Variants in MARK1 observed in about 807,000 individuals in gnomAD.
MARK1 encodes the protein serine/threonine-protein kinase MARK1.
MARK1 carries 40 observed loss-of-function variants against 96.3 expected under a neutral mutation model. The observed-to-expected ratio is 0.42, with a 90% CI of 0.32 to 0.54. The LOEUF is 0.54. MARK1 is among the 20% of genes least tolerant of loss of function. The probability of loss-of-function intolerance (pLI) is 0.16; values close to 1 mark genes in which losing one functional copy is unlikely to be tolerated. For missense variants in MARK1, 719 were observed against 984.6 expected, an observed-to-expected ratio of 0.73 and a Z score of 3.61; for synonymous variants, 317 against 341.2, an observed-to-expected ratio of 0.93 and a Z score of 0.78.
intron 13 of MARK1, among the ~76,000 whole-genome samples, chr1:220,649,233 T>A (rs914630668): frequency 1.3e-5 from 2 of 152,078 alleles, no homozygotes; most frequent in Non-Finnish European, 2.9e-5. Flanking sequence ...AAGTCTTTTT[T>A]TTTTTTGGGG....
At chr1:220,598,207 A>G (rs1665501080) in intron 3 of MARK1, 124 bp from the exon 4 acceptor site, 2 of 368,240 alleles carry the variant, frequency 5.4e-6, no homozygotes, top group African/African-American at 2.2e-5. Flanking sequence ...TCTTGTTTCA[A>G]TGCATTGCCA....
intron 5 of MARK1, among the ~76,000 whole-genome samples, chr1:220,601,350 A>G (rs1665738932): frequency 6.9e-6 from 1 of 144,450 alleles, no homozygotes; most frequent in South Asian, 2.2e-4. Flanking sequence ...ATTTCAGTGT[A>G]GGTTCTTTGA....
chr1:220,545,677 G>A (rs1305785102), intron 1 of MARK1, among the ~76,000 whole-genome samples: 2 of 151,932 alleles, frequency 1.3e-5, no homozygotes, highest in African/African-American at 2.4e-5. Context: ...GGGCTCAAGC[G>A]AGCCACCCTA....
intron 1 of MARK1, among the ~76,000 whole-genome samples, chr1:220,558,118 G>A (rs1375444962): frequency 4.8e-5 from 7 of 145,672 alleles, no homozygotes; most frequent in African/African-American, 1.5e-4. Flanking sequence ...GGGCAACAGA[G>A]TGAGACCCTG....
intron 6 of MARK1, among the ~76,000 whole-genome samples, chr1:220,605,475 A>C (rs1666010528): frequency 6.0e-5 from 9 of 150,754 alleles, no homozygotes; most frequent in Admixed American, 5.3e-4. Context: ...ATTTTTTTAA[A>C]TTTTTATTTA....
intron 13 of MARK1, among the ~76,000 whole-genome samples, chr1:220,647,581 GGTTCATGCACACTTAT>G (rs1020913518): frequency 1.2e-4 from 18 of 152,098 alleles, no homozygotes; most frequent in African/African-American, 4.1e-4. Flanking sequence ...CTGTTATAAA[GGTTCATGCACACTTAT>G]GTTCATTGCA....
At chr1:220,588,101 A>G (rs1235731998) in intron 3 of MARK1, among the ~76,000 whole-genome samples, 9 of 152,214 alleles carry the variant, frequency 5.9e-5, no homozygotes, top group African/African-American at 2.2e-4. Context: ...GTGAAGTTGT[A>G]TCTAGTTTTA....
At chr1:220,602,602 ACTG>A (rs1665821387) in intron 5 of MARK1, among the ~76,000 whole-genome samples, 1 of 152,094 alleles carries the variant, frequency 6.6e-6, no homozygotes, top group African/African-American at 2.4e-5. Flanking sequence ...TCTAGAATTA[ACTG>A]CTATGATGGG....
chr1:220,594,342 T>C (rs2102888686), intron 3 of MARK1, among the ~76,000 whole-genome samples: 1 of 152,298 alleles, frequency 6.6e-6, no homozygotes, highest in East Asian at 1.9e-4. Context: ...TACATACCTA[T>C]TAGAATAGCA....
In MARK1 at chr1:220,533,497, G is replaced by A. The variant is rs1467746671; in HGVS notation, c.51+4624G>A. On this transcript the variant is annotated intron_variant, in intron 1 of 17. Transcript: ENST00000366917. ...GGGTGTCATTTTCTCTTTTCCTGATGAATATCTGTGGAAGTTCTTTTGGTG... is the reference window on the plus strand; with the variant it reads ...GGGTGTCATTTTCTCTTTTCCTGATAAATATCTGTGGAAGTTCTTTTGGTG... Among the ~76,000 whole-genome samples, 3 of 151,924 alleles carry A rather than the reference G, an allele frequency of 2.0e-5. No individual in the cohort carries two copies. In the East Asian group the frequency reaches 5.8e-4, roughly 29 times the overall value.
At chr1:220,619,774 A>G (rs1285304542) in intron 9 of MARK1, among the ~76,000 whole-genome samples, 1 of 152,200 alleles carries the variant, frequency 6.6e-6, no homozygotes, top group Non-Finnish European at 1.5e-5. Context: ...TTTAAGAATG[A>G]TATTTTAGCC....
rs1666882982 is a variant in MARK1, at chr1:220,618,584, G to T, written c.789+38G>T. ...TTCTTTATTAATGTTTTATCCCCAA[G>T]TATGATTATGTCAAAAACCAGTTAT... On this transcript the variant is annotated intron_variant, in intron 8 of 17. Coordinates refer to ENST00000366917, the MANE Select transcript of MARK1 (RefSeq NM_018650.5). The surrounding 1 kb of genome is among the most constrained non-coding windows in gnomAD (Gnocchi z 4.6). 1.2e-6 allele frequency: 2 copies of T among 1,612,804 alleles called. No individual in the cohort carries two copies. The highest frequency in any genetic ancestry group is 1.7e-5 in the Admixed American group (1 of 59,778).
chr1:220,575,992 T>TCC (rs1663803721), intron 1 of MARK1, among the ~76,000 whole-genome samples: 1 of 1,406 alleles, frequency 7.1e-4, no homozygotes, highest in African/African-American at 2.4e-3. Flanking sequence ...TATAGCTCCT[T>TCC]TTTTTTTCTT....
chr1:220,545,439 G>GTTTTTTTTTTTTTTTT (rs35422682), intron 1 of MARK1, among the ~76,000 whole-genome samples: 1 of 87,262 alleles, frequency 1.1e-5, no homozygotes, highest in Admixed American at 1.6e-4. Context: ...CTTTCTCATG[G>GTTTTTTTTTTTTTTTT]TTTTTTTTTT....
chr1:220,615,066 CCTT>C (rs746504937), intron 6 of MARK1, among the ~76,000 whole-genome samples: 4 of 152,056 alleles, frequency 2.6e-5, no homozygotes, highest in Non-Finnish European at 5.9e-5. Context: ...AAATGACTGT[CCTT>C]CTATTCATCA....
intron 1 of MARK1, among the ~76,000 whole-genome samples, chr1:220,533,189 G>A (rs1336579200): frequency 5.3e-5 from 8 of 151,984 alleles, no homozygotes; most frequent in Non-Finnish European, 1.0e-4. Flanking sequence ...TTGTCTCATT[G>A]TTTTAACAAG....
chr1:220,653,076 G>T (rs1157529506), intron 15 of MARK1, 25 bp from the exon 16 acceptor site: 2 of 1,610,504 alleles, frequency 1.2e-6, no homozygotes, highest in African/African-American at 2.7e-5. Context: ...TATTCTGAAT[G>T]ATATATCTTA....
At chr1:220,628,954 G>C (rs1667512092) in intron 9 of MARK1, among the ~76,000 whole-genome samples, 1 of 151,734 alleles carries the variant, frequency 6.6e-6, no homozygotes, top group Non-Finnish European at 1.5e-5. Flanking sequence ...ATGACTGCTG[G>C]AAAAGCCTCC....
intron 1 of MARK1, among the ~76,000 whole-genome samples, chr1:220,578,486 G>A (rs1392627809): frequency 6.6e-6 from 1 of 152,202 alleles, no homozygotes; most frequent in Non-Finnish European, 1.5e-5. Flanking sequence ...ACCTGGGCAG[G>A]ACTATAGATA....
Sources: gnomAD v4.1 joint callset for allele counts (sites outside exome capture counted in the v4.1 genomes callset) on GRCh38, gnomAD v4.1.1 for gene constraint, Gnocchi (gnomAD v3.1) non-coding constraint, MANE v1.5 for transcripts, NCBI Gene and HGNC (gene_info 2026-07-23, HGNC 2026-07-21) for gene names.